The following FAM135B variants were observed in gnomAD, a reference collection of about 807,000 sequenced individuals.
The protein encoded by FAM135B is family with sequence similarity 135 member B.
In FAM135B, 43 loss-of-function variants were observed where a neutral mutation model predicts 127.7. The observed-to-expected ratio is 0.34, with a 90% CI of 0.26 to 0.43. The LOEUF (loss-of-function observed/expected upper bound fraction) is 0.43. FAM135B is among the 20% of genes least tolerant of loss of function. The pLI is 1.00. For synonymous variants in FAM135B, 670 were observed against 665.1 expected (o/e 1.01, Z -0.11); for missense variants, 1,558 against 1,725.6 (o/e 0.90, Z 1.72).
rs762412587 is a variant in FAM135B, at chr8:138,195,273, C to T, written c.858G>A (p.Leu286=). The T allele has an allele frequency of 1.2e-6, 2 of 1,613,836 alleles. No homozygotes were observed. The highest frequency in any genetic ancestry group is 8.5e-7 in the Non-Finnish European group (1 of 1,179,940). ...CTCCAATTACCTGTAGCTCTGAGCA[C>T]AGCTGAGAAAGTGTTTCTTCAACAG... ...ALAVEETLSQ[L]CSELQMLNNP... is the part of the protein sequence containing the mutation. Residue 286 remains leucine, a synonymous_variant, in exon 9 of 20, where the codon CTG becomes CTA. Transcript: ENST00000395297.
chr8:138,210,589 G>A (rs868064306), intron 7 of FAM135B, among the ~76,000 whole-genome samples: 1 of 152,018 alleles, frequency 6.6e-6, no homozygotes, highest in Non-Finnish European at 1.5e-5. Context: ...AGTAAGGGAG[G>A]GAAGCACCAC....
In FAM135B at chr8:138,368,499, G is replaced by A. The variant is rs995926498; in HGVS notation, c.-19-497C>T. ...ATATGCCACATTGAGCACTCTGCACGGTCATTTGTGTAGTAAATACTGAAT... is the reference window on the plus strand; with the variant it reads ...ATATGCCACATTGAGCACTCTGCACAGTCATTTGTGTAGTAAATACTGAAT... On this transcript the variant is annotated intron_variant, in intron 1 of 19. Transcript: ENST00000395297. Among the ~76,000 whole-genome samples the A allele has an allele frequency of 5.3e-5, 8 of 152,146 alleles. No homozygotes were observed. The East Asian group carries it at 7.7e-4, about 15-fold the overall frequency.
intron 1 of FAM135B, among the ~76,000 whole-genome samples, chr8:138,456,635 T>C (rs563263339): frequency 3.3e-4 from 51 of 152,262 alleles, no homozygotes; most frequent in African/African-American, 9.6e-4. Flanking sequence ...CAATTATGCC[T>C]CCAGCTGGAA....
At chr8:138,366,132 C>T (rs762429415) in intron 2 of FAM135B, among the ~76,000 whole-genome samples, 4 of 152,176 alleles carry the variant, frequency 2.6e-5, no homozygotes, top group Non-Finnish European at 4.4e-5. Context: ...TTCAGCTCCT[C>T]ACTCTGCTAT....
chr8:138,493,058 C>A (rs1408013139), intron 1 of FAM135B, among the ~76,000 whole-genome samples: 4 of 152,292 alleles, frequency 2.6e-5, no homozygotes, highest in African/African-American at 4.8e-5. Context: ...GGGAGGGCCA[C>A]AGATCCCAGG....
At chr8:138,329,593 G>C (rs948540577) in intron 2 of FAM135B, among the ~76,000 whole-genome samples, 5 of 152,128 alleles carry the variant, frequency 3.3e-5, no homozygotes, top group Non-Finnish European at 5.9e-5. Context: ...TTAACCAAAA[G>C]ATCACACATG....
chr8:138,417,921 T>C (rs1358290167), intron 1 of FAM135B, among the ~76,000 whole-genome samples: 1 of 152,156 alleles, frequency 6.6e-6, no homozygotes, highest in Non-Finnish European at 1.5e-5. Flanking sequence ...GTGCCCTAAC[T>C]TCCCAGCAAT....
chr8:138,218,167 T>C (rs2129983701), intron 7 of FAM135B, among the ~76,000 whole-genome samples: 1 of 152,324 alleles, frequency 6.6e-6, no homozygotes, highest in East Asian at 1.9e-4. Flanking sequence ...TCCATGTAGA[T>C]GCAGTTCTTG....
At chr8:138,477,725 T>A (rs1814570131) in intron 1 of FAM135B, among the ~76,000 whole-genome samples, 1 of 152,188 alleles carries the variant, frequency 6.6e-6, no homozygotes, top group Admixed American at 6.5e-5. Context: ...GTGGTGGCCA[T>A]GAGGGCCAGT....
At chr8:138,473,104 C>T (rs1278908022) in intron 1 of FAM135B, among the ~76,000 whole-genome samples, 1 of 152,058 alleles carries the variant, frequency 6.6e-6, no homozygotes, top group South Asian at 2.1e-4. Context: ...ACCTTTTGTT[C>T]CACATTAGAC....
chr8:138,453,031 A>T (rs1836580575), intron 1 of FAM135B, among the ~76,000 whole-genome samples: 1 of 152,170 alleles, frequency 6.6e-6, no homozygotes, highest in Non-Finnish European at 1.5e-5. Flanking sequence ...GTGGGAGAAG[A>T]CTAGTAGCTC....
Position 138,167,814 on chromosome 8 carries a change from G to A in FAM135B, c.1258+81C>T, listed in dbSNP as rs1054174501. On this transcript the variant is annotated intron_variant, in intron 12 of 19. Coordinates refer to ENST00000395297, the MANE Select transcript of FAM135B (RefSeq NM_015912.4). ...CATTAATTTGGTCTCACTTTTGCTG[G>A]AATATAAACAAACTGTGCCATTGTC... is the stretch of plus-strand genomic sequence containing the variant. 7 of 1,451,810 alleles carry A rather than the reference G, an allele frequency of 4.8e-6. No individual in the cohort carries two copies. In the African/African-American group the frequency reaches 5.7e-5, roughly 12 times the overall value. 89.9% of individuals were successfully genotyped at this position (1,451,810 alleles called of 1,614,324 possible). A position where few individuals can be genotyped will look rare whatever the true frequency, so the allele number is the denominator to read the frequency against.
intron 3 of FAM135B, among the ~76,000 whole-genome samples, chr8:138,309,922 T>C (rs1365282820): frequency 6.7e-6 from 1 of 149,598 alleles, no homozygotes; most frequent in Non-Finnish European, 1.5e-5. Context: ...TGGAGTGCAG[T>C]GCAGTGGCAC....
chr8:138,259,684 G>A (rs916939121), intron 4 of FAM135B, among the ~76,000 whole-genome samples: 1 of 152,120 alleles, frequency 6.6e-6, no homozygotes, highest in African/African-American at 2.4e-5. Flanking sequence ...CTGGCTCTAC[G>A]ACTTCCGGGT....
intron 7 of FAM135B, among the ~76,000 whole-genome samples, chr8:138,234,178 C>G (rs1820104295): frequency 6.6e-6 from 1 of 151,816 alleles, no homozygotes; most frequent in Non-Finnish European, 1.5e-5. Flanking sequence ...CAACACTTAT[C>G]TTGTAAAAAA....
intron 1 of FAM135B, among the ~76,000 whole-genome samples, chr8:138,474,196 G>A (rs191788136): frequency 2.6e-5 from 4 of 152,178 alleles, no homozygotes; most frequent in Non-Finnish European, 4.4e-5. Context: ...CGGGAGTGTC[G>A]CCTGAGTCAT....
chr8:138,219,037 C>T (rs866632752), intron 7 of FAM135B, among the ~76,000 whole-genome samples: 3 of 152,160 alleles, frequency 2.0e-5, no homozygotes, highest in Admixed American at 6.5e-5. Flanking sequence ...ACCTGGCTAA[C>T]CCAGTGAGAG....
intron 12 of FAM135B, among the ~76,000 whole-genome samples, chr8:138,164,077 G>A (rs1819670416): frequency 6.6e-6 from 1 of 152,172 alleles, no homozygotes; most frequent in South Asian, 2.1e-4. Flanking sequence ...AATTGTATCT[G>A]ATAACGTCAT....
At chr8:138,398,217 C>T (rs776198423) in intron 1 of FAM135B, among the ~76,000 whole-genome samples, 3 of 152,250 alleles carry the variant, frequency 2.0e-5, no homozygotes, top group South Asian at 4.1e-4. Flanking sequence ...TGGCACCATG[C>T]GTGGGACTCC....
Sources: gnomAD v4.1 joint callset for allele counts (sites outside exome capture counted in the v4.1 genomes callset) on GRCh38, gnomAD v4.1.1 for gene constraint, MANE v1.5 for transcripts, NCBI Gene and HGNC (gene_info 2026-07-23, HGNC 2026-07-21) for gene names.